The following JAM3 variants were observed in gnomAD, a reference collection of about 807,000 sequenced individuals.
JAM3 encodes the protein junctional adhesion molecule 3, also known as junctional adhesion molecule C.
In JAM3, 31 loss-of-function variants were observed where a neutral mutation model predicts 39.4. That is an observed-to-expected ratio of 0.79 (90% CI 0.59 to 1.06). The LOEUF (loss-of-function observed/expected upper bound fraction) is 1.06, where lower values mean the gene tolerates loss of function less well. Among genes scored for constraint, JAM3 ranks in the 50% least tolerant of loss-of-function variants. The pLI is 0.00. For synonymous variants in JAM3, 182 were observed against 148.7 expected, an observed-to-expected ratio of 1.22 and a Z score of -1.63; for missense variants, 455 against 391.4, an observed-to-expected ratio of 1.16 and a Z score of -1.37.
At chr11:134,147,459 C>CAAAAAAAA (rs557379286) in intron 6 of JAM3, among the ~76,000 whole-genome samples, 8 of 70,886 alleles carry the variant, frequency 1.1e-4, no homozygotes, top group African/African-American at 3.9e-4. Flanking sequence ...GACTCTGTCT[C>CAAAAAAAA]AAAAAAAAAA....
intron 1 of JAM3, among the ~76,000 whole-genome samples, chr11:134,135,377 T>C (rs998179304): frequency 1.3e-5 from 2 of 152,244 alleles, no homozygotes; most frequent in African/African-American, 4.8e-5. Context: ...GATCTGTATG[T>C]CTGTCTTTAT....
chr11:134,070,208 A>G (rs976343290), intron 1 of JAM3: 5 of 456,090 alleles, frequency 1.1e-5, no homozygotes, highest in Admixed American at 9.4e-5. Flanking sequence ...CTGCATTCTA[A>G]GTAGTGAAGC....
intron 1 of JAM3, among the ~76,000 whole-genome samples, chr11:134,102,408 TG>T (rs996185713): frequency 2.0e-5 from 3 of 151,944 alleles, no homozygotes; most frequent in African/African-American, 7.3e-5. Context: ...ACCACAAAGA[TG>T]GGGAAAAAAC....
intron 1 of JAM3, among the ~76,000 whole-genome samples, chr11:134,072,798 T>C (rs1336078629): frequency 6.6e-6 from 1 of 152,150 alleles, no homozygotes; most frequent in Non-Finnish European, 1.5e-5. Context: ...TAGTCCCAGC[T>C]ACTCTGGAGG....
At chr11:134,118,845 G>A (rs776584263) in intron 1 of JAM3, among the ~76,000 whole-genome samples, 5 of 152,130 alleles carry the variant, frequency 3.3e-5, no homozygotes, top group Non-Finnish European at 5.9e-5. Context: ...AGATGAGAGC[G>A]GGGTTGGTTA....
Position 134,101,773 on chromosome 11 carries a change from C to A in JAM3, c.76+32614C>A, listed in dbSNP as rs763900755. 4.1e-4 allele frequency among the ~76,000 whole-genome samples: 62 copies of A among 152,072 alleles called. 1 individual carries two copies. Among genetic ancestry groups the A allele is most frequent in the Admixed American group, 5.9e-4 (9 of 15,250 alleles). ...GCTATGTGCCAGGAATTTATAAGTC[C>A]TTTATGTGTGATAACTCATTTATAA... On this transcript the variant is annotated intron_variant, in intron 1 of 8. Coordinates refer to ENST00000299106, the MANE Select transcript of JAM3 (RefSeq NM_032801.5).
At chr11:134,101,643 TA>T (rs772324009) in intron 1 of JAM3, among the ~76,000 whole-genome samples, 2 of 152,352 alleles carry the variant, frequency 1.3e-5, no homozygotes, top group Non-Finnish European at 2.9e-5. Context: ...TCTTTTGGTA[TA>T]ATACTCTACT....
At position 134,143,031 on chromosome 11, in the gene JAM3, A is replaced by G. The variant is rs143352962; in HGVS notation, c.257-1210A>G. Reference sequence around the variant, plus strand: ...TTTGGGTTGTTTCCACTTTTTGGCTATTATCAGTAATGCTGCTATCAGTAT... The same window carrying G: ...TTTGGGTTGTTTCCACTTTTTGGCTGTTATCAGTAATGCTGCTATCAGTAT... On this transcript the variant is annotated intron_variant, in intron 3 of 8. Coordinates refer to ENST00000299106, the MANE Select transcript of JAM3 (RefSeq NM_032801.5). 3.9e-3 allele frequency among the ~76,000 whole-genome samples: 595 copies of G among 152,264 alleles called. 7 individuals are homozygous for G. The highest frequency in any genetic ancestry group is 0.014 in the African/African-American group (564 of 41,560).
intron 1 of JAM3, among the ~76,000 whole-genome samples, chr11:134,074,665 C>T (rs1037519679): frequency 1.3e-5 from 2 of 152,140 alleles, no homozygotes; most frequent in Admixed American, 6.5e-5. Context: ...ACTGACAAAA[C>T]GATCTGAGTA....
chr11:134,120,840 A>G (rs921205399), intron 1 of JAM3, among the ~76,000 whole-genome samples: 24 of 152,360 alleles, frequency 1.6e-4, no homozygotes, highest in African/African-American at 5.8e-4. Context: ...TGAGACTAAC[A>G]TTACCTCAAT....
intron 1 of JAM3, among the ~76,000 whole-genome samples, chr11:134,135,840 G>A (rs1020591163): frequency 1.8e-4 from 27 of 152,050 alleles, no homozygotes; most frequent in Admixed American, 3.9e-4. Flanking sequence ...GGGCCGAGGC[G>A]GGTAGAACAC....
In JAM3 at chr11:134,129,555, T is replaced by C. The variant is rs112136356; in HGVS notation, c.77-10296T>C. 4.0e-3 allele frequency among the ~76,000 whole-genome samples: 605 copies of C among 152,306 alleles called. 4 individuals are homozygous for C. Among genetic ancestry groups the C allele is most frequent in the African/African-American group, 0.014 (584 of 41,556 alleles). On this transcript the variant is annotated intron_variant, in intron 1 of 8. Coordinates refer to ENST00000299106, the MANE Select transcript of JAM3 (RefSeq NM_032801.5). ...TATTCTCTGGACCTCTGGAAAGTCA[T>C]TGGTCCCTAGATAGCAAGTAGAATA...
intron 1 of JAM3, among the ~76,000 whole-genome samples, chr11:134,135,832 G>T: frequency 6.6e-6 from 1 of 152,094 alleles, no homozygotes; most frequent in East Asian, 1.9e-4. Context: ...ACTTTGGGGG[G>T]CCGAGGCGGG....
intron 2 of JAM3, among the ~76,000 whole-genome samples, 160 bp from the exon 3 acceptor site, chr11:134,140,497 G>A (rs917961900): frequency 2.6e-5 from 4 of 152,008 alleles, no homozygotes; most frequent in Non-Finnish European, 4.4e-5. Flanking sequence ...TTGTTTTTCT[G>A]GCAAAAAATC....
chr11:134,122,589 G>A (rs1239737924), intron 1 of JAM3, among the ~76,000 whole-genome samples: 1 of 152,150 alleles, frequency 6.6e-6, no homozygotes, highest in East Asian at 1.9e-4. Flanking sequence ...ATGGCCTGTG[G>A]ACACATACTC....
chr11:134,122,818 C>G (rs895599337), intron 1 of JAM3, among the ~76,000 whole-genome samples: 1 of 152,224 alleles, frequency 6.6e-6, no homozygotes, highest in African/African-American at 2.4e-5. Flanking sequence ...AAATTTTAAG[C>G]TACCAGCATT....
At chr11:134,116,348 C>T (rs973882522) in intron 1 of JAM3, among the ~76,000 whole-genome samples, 2 of 152,136 alleles carry the variant, frequency 1.3e-5, no homozygotes, top group Non-Finnish European at 2.9e-5. Context: ...ATTCTTTCTA[C>T]ATTTGTTCAT....
chr11:134,093,005 T>G (rs1565485712), intron 1 of JAM3, among the ~76,000 whole-genome samples: 1 of 147,438 alleles, frequency 6.8e-6, no homozygotes, highest in Non-Finnish European at 1.5e-5. Flanking sequence ...ATGTTCCACC[T>G]TACATGTCAC....
chr11:134,100,186 C>G (rs1454141566), intron 1 of JAM3, among the ~76,000 whole-genome samples: 1 of 152,028 alleles, frequency 6.6e-6, no homozygotes, highest in Non-Finnish European at 1.5e-5. Flanking sequence ...AAATAGTGGT[C>G]AGTTCCTATC....
Sources: allele counts gnomAD v4.1 joint callset (sites outside exome capture counted in the v4.1 genomes callset), GRCh38; gene constraint gnomAD v4.1.1; transcripts MANE v1.5; gene names NCBI Gene and HGNC (gene_info 2026-07-23, HGNC 2026-07-21).